The following SAFB variants were observed in gnomAD, a reference collection of about 807,000 sequenced individuals.
The protein encoded by SAFB is scaffold attachment factor B1.
Under a neutral mutation model 101.6 loss-of-function variants are expected in SAFB, and 15 were observed. The ratio of observed to expected loss-of-function variants is 0.15; its 90% CI spans 0.10 to 0.23. The LOEUF is 0.23. Among genes scored for constraint, SAFB ranks in the 10% least tolerant of loss-of-function variants. SAFB has a pLI of 1.00. For synonymous variants in SAFB, 449 were observed against 407.5 expected, an observed-to-expected ratio of 1.10 and a Z score of -1.23; for missense variants, 930 against 1,104.1, an observed-to-expected ratio of 0.84 and a Z score of 2.23.
chr19:5,667,901 G>A lies in SAFB; in HGVS notation c.2624+15G>A, dbSNP rs1317520567. 5.0e-6 allele frequency: 8 copies of A among 1,590,616 alleles called. No individual in the cohort carries two copies. Among genetic ancestry groups the A allele is most frequent in the Non-Finnish European group, 6.8e-6 (8 of 1,168,730 alleles). ...GGAATGTCAGGGTAAGGCATGCTGG[G>A]GGCGGCGCCCCTTCCCCCTGCTTTG... On this transcript the variant is annotated intron_variant, in intron 20 of 20. Coordinates refer to ENST00000588852, the MANE Select transcript of SAFB (RefSeq NM_001201338.2). The surrounding 1 kb of genome is among the most constrained non-coding windows in gnomAD (Gnocchi z 4.0).
intron 2 of SAFB, 58 bp downstream of exon 2, chr19:5,626,547 T>C (rs998892986): frequency 3.0e-6 from 3 of 992,148 alleles, no homozygotes; most frequent in Non-Finnish European, 4.8e-6. Context: ...AACGAATACA[T>C]TGCTAATGTG....
intron 9 of SAFB, 100 bp downstream of exon 9, chr19:5,651,172 C>T (rs2035567589): frequency 1.4e-6 from 1 of 707,136 alleles, no homozygotes; most frequent in Non-Finnish European, 2.4e-6. Context: ...TGAGAGATAC[C>T]AAGGAGCTTA....
intron 8 of SAFB, 34 bp downstream of exon 8, chr19:5,650,009 C>T (rs1291781975): frequency 6.4e-7 from 1 of 1,553,524 alleles, no homozygotes; most frequent in African/African-American, 1.4e-5. Context: ...TCCCTTGGAG[C>T]ATGTATGGCC....
intron 17 of SAFB, chr19:5,665,121 C>T (rs926760891): frequency 6.6e-6 from 1 of 152,382 alleles, no homozygotes; most frequent in Non-Finnish European, 1.5e-5. Context: ...TTCTGGACTC[C>T]ACCATAAGCT....
At chr19:5,663,662 A>G (rs1223997758) in intron 15 of SAFB, among the ~76,000 whole-genome samples, 1 of 152,094 alleles carries the variant, frequency 6.6e-6, no homozygotes, top group Admixed American at 6.6e-5. Context: ...GGCGAGAGAG[A>G]TGGCAGGTGC....
At position 5,668,113 on chromosome 19, in the gene SAFB, C is replaced by T. The variant is rs368351570; in HGVS notation, c.2625-49C>T. ...GGAAGCTGTGCAGGCTGGGATGGGC[C>T]GGGGAGCAGGAGGACTTCGCAGTCA... On this transcript the variant is annotated intron_variant, in intron 20 of 20. Coordinates refer to ENST00000588852, the MANE Select transcript of SAFB (RefSeq NM_001201338.2). The T allele has an allele frequency of 4.8e-5, 76 of 1,590,680 alleles. 1 individual carries two copies. In the Middle Eastern group the frequency reaches 2.2e-3, roughly 46 times the overall value.
chr19:5,664,052 G>A lies in SAFB; in HGVS notation c.2184G>A (p.Lys728=), dbSNP rs1006286754. ...RRDDAYWPEA[K]RAALDERYHS... ...ATGATGCCTATTGGCCGGAAGCCAA[G>A]CGGGCCGCCCTGGATGAGCGCTACC... Residue 728 remains lysine, a synonymous_variant, in exon 16 of 21, where the codon AAG becomes AAA. Transcript: ENST00000588852. The A allele has an allele frequency of 2.5e-6, 4 of 1,613,948 alleles. No homozygotes were observed. In the Admixed American group the frequency reaches 6.7e-5, roughly 27 times the overall value.
At chr19:5,652,765 A>G (rs2053967921) in intron 9 of SAFB, among the ~76,000 whole-genome samples, 1 of 151,450 alleles carries the variant, frequency 6.6e-6, no homozygotes. Flanking sequence ...TGCCCACATT[A>G]CATCACTTCA....
chr19:5,663,909 T>G (rs3745628), intron 15 of SAFB, 113 bp from the exon 16 acceptor site: 273,708 of 1,200,466 alleles, frequency 0.23, 32,807 homozygotes, highest in Middle Eastern at 0.26. Flanking sequence ...GAGAGAACAC[T>G]CTTGGTGAAA....
Position 5,662,961 on chromosome 19 carries a change from C to A in SAFB, c.2154-1061C>A, listed in dbSNP as rs2054248993. 2.0e-5 allele frequency among the ~76,000 whole-genome samples: 3 copies of A among 149,970 alleles called. No homozygotes were observed. In the South Asian group the frequency reaches 6.3e-4, roughly 32 times the overall value. On this transcript the variant is annotated intron_variant, in intron 15 of 20. Transcript: ENST00000588852. ...CCGGCCTTGTCCTGGCTTTTTAAATCCATTGTAATTTGTTTTTGCTTATTC... is the reference window on the plus strand; with the variant it reads ...CCGGCCTTGTCCTGGCTTTTTAAATACATTGTAATTTGTTTTTGCTTATTC...
Position 5,666,865 on chromosome 19 carries a change from C to T in SAFB, c.2335-181C>T, listed in dbSNP as rs539975368. 5 of 701,460 alleles carry T rather than the reference C, an allele frequency of 7.1e-6. No individual in the cohort carries two copies. The Admixed American group carries it at 1.0e-4, about 14-fold the overall frequency. 43.5% of individuals were successfully genotyped at this position (701,460 alleles called of 1,614,324 possible). A position where few individuals can be genotyped will look rare whatever the true frequency, so the allele number is the denominator to read the frequency against. On this transcript the variant is annotated intron_variant, in intron 17 of 20. Coordinates refer to ENST00000588852, the MANE Select transcript of SAFB (RefSeq NM_001201338.2). ...TTTGTACCAGGCCATGAGCCTAGGGCACAGGGCCTCTGGCCTGCAGATTTC... is the reference window on the plus strand; with the variant it reads ...TTTGTACCAGGCCATGAGCCTAGGGTACAGGGCCTCTGGCCTGCAGATTTC...
intron 14 of SAFB, among the ~76,000 whole-genome samples, chr19:5,660,562 T>C (rs148758517): frequency 1.3e-5 from 2 of 151,682 alleles, no homozygotes; most frequent in African/African-American, 4.8e-5. Flanking sequence ...TATCTATAAC[T>C]GTGTAGGTAA....
chr19:5,623,336 G>A lies in SAFB; in HGVS notation c.131G>A (p.Arg44Lys), dbSNP rs1389873922. 5.6e-6 allele frequency: 9 copies of A among 1,614,076 alleles called. No homozygotes were observed. The highest frequency in any genetic ancestry group is 7.6e-6 in the Non-Finnish European group (9 of 1,179,930). ...GTGATCGATCTGCGGGCGGAGCTGA[G>A]GAAACGGAATGTGGACTCGAGCGGC... ...LRVIDLRAEL[R>K]KRNVDSSGNK... The change falls in exon 1 of 21, where the codon AGG (arginine) becomes AAG (lysine). Residue 44 changes from arginine to lysine, a missense_variant. Arg to Lys is a conservative substitution (Grantham distance 26, BLOSUM62 2). Coordinates refer to ENST00000588852, the MANE Select transcript of SAFB (RefSeq NM_001201338.2).
chr19:5,647,572 A>G (rs552129932), intron 5 of SAFB, among the ~76,000 whole-genome samples: 2 of 152,344 alleles, frequency 1.3e-5, no homozygotes, highest in African/African-American at 2.4e-5. Flanking sequence ...ATGCCAAGTA[A>G]GAGCAGGAGT....
In SAFB at chr19:5,668,280, C is replaced by G; in HGVS notation, c.2743C>G (p.Arg915Gly). 1 of 1,611,852 alleles carries G rather than the reference C, an allele frequency of 6.2e-7. No homozygotes were observed. The highest frequency in any genetic ancestry group is 1.8e-4 in the Middle Eastern group (1 of 5,528). ...GSRPSDARFT[R>G]RY ...CAGGCCCAGCGATGCCCGCTTCACT[C>G]GCCGCTACTGAGTACTTGGAATCCT... The change falls in exon 21 of 21, where the codon CGC becomes GGC. Residue 915 changes from arginine (R) to glycine (G), a missense_variant. Transcript: ENST00000588852.
intron 2 of SAFB, among the ~76,000 whole-genome samples, chr19:5,628,135 C>T (rs1395859881): frequency 6.6e-6 from 1 of 152,050 alleles, no homozygotes; most frequent in Middle Eastern, 3.2e-3. Context: ...CCTGTAATCC[C>T]AGCTACTCAG....
chr19:5,634,479 C>T (rs529122209), intron 2 of SAFB, among the ~76,000 whole-genome samples: 3 of 152,048 alleles, frequency 2.0e-5, no homozygotes, highest in African/African-American at 7.2e-5. Context: ...TAGTTTAATA[C>T]TTTTTATAAT....
At chr19:5,627,783 G>T (rs534199902) in intron 2 of SAFB, among the ~76,000 whole-genome samples, 1 of 152,006 alleles carries the variant, frequency 6.6e-6, no homozygotes, top group African/African-American at 2.4e-5. Flanking sequence ...ATAGCAACTC[G>T]TCTCCTTGGG....
At chr19:5,652,902 T>C (rs2053970454) in intron 9 of SAFB, among the ~76,000 whole-genome samples, 1 of 152,184 alleles carries the variant, frequency 6.6e-6, no homozygotes, top group East Asian at 1.9e-4. Flanking sequence ...TACATTGCCC[T>C]CCTGGCCCCC....
Sources: gnomAD v4.1 joint callset for allele counts (sites outside exome capture counted in the v4.1 genomes callset) on GRCh38, gnomAD v4.1.1 for gene constraint, Gnocchi (gnomAD v3.1) non-coding constraint, MANE v1.5 for transcripts, NCBI Gene and HGNC (gene_info 2026-07-23, HGNC 2026-07-21) for gene names.